The following MYO3A variants were observed in gnomAD, a reference collection of about 807,000 sequenced individuals.
MYO3A encodes myosin IIIA, also known as myosin-IIIa.
In MYO3A, 180 loss-of-function variants were observed where a neutral mutation model predicts 192.7. The ratio of observed to expected loss-of-function variants is 0.93; its 90% confidence interval spans 0.83 to 1.06. The LOEUF is 1.06. Among genes scored for constraint, MYO3A ranks in the 50% least tolerant of loss-of-function variants. The probability of loss-of-function intolerance (pLI) is 0.00; values close to 1 mark genes in which losing one functional copy is unlikely to be tolerated. For synonymous variants in MYO3A, 628 were observed against 645.3 expected (o/e 0.97, Z 0.41); for missense variants, 1,896 against 1,905.0 (o/e 1.00, Z 0.09).
At chr10:26,040,682 T>C (rs910440986) in intron 10 of MYO3A, among the ~76,000 whole-genome samples, 2 of 152,090 alleles carry the variant, frequency 1.3e-5, no homozygotes, top group Admixed American at 6.5e-5. Flanking sequence ...AAGCGTTCAT[T>C]TCTATGTGTT....
intron 17 of MYO3A, among the ~76,000 whole-genome samples, chr10:26,098,899 T>G (rs536783077): frequency 6.6e-6 from 1 of 152,306 alleles, no homozygotes; most frequent in African/African-American, 2.4e-5. Flanking sequence ...ATGTGGGCTC[T>G]TTTTTGGTTC....
At position 26,021,843 on chromosome 10, in the gene MYO3A, A is replaced by T. The variant is rs1842324890; in HGVS notation, c.731+195A>T. The T allele has an allele frequency of 1.3e-5, 9 of 688,554 alleles. No homozygotes were observed. In the South Asian group the frequency reaches 1.6e-4, roughly 12 times the overall value. The allele number at this position is 688,554 out of a possible 1,614,324, so 42.7% of individuals were successfully genotyped here. ...GTTGCATTTCCCTGGTCTAAGTAAA[A>T]GAGCTTTCTCTTGATAATCAGTGTG... On this transcript the variant is annotated intron_variant, in intron 8 of 34. Coordinates refer to ENST00000642920, the MANE Select transcript of MYO3A (RefSeq NM_017433.5).
intron 5 of MYO3A, among the ~76,000 whole-genome samples, chr10:25,996,957 C>T (rs1421984964): frequency 1.3e-5 from 2 of 152,128 alleles, no homozygotes; most frequent in Non-Finnish European, 2.9e-5. Flanking sequence ...AATTAAGGAG[C>T]ATGCTTTGAT....
At chr10:26,001,464 G>A (rs1170225234) in intron 6 of MYO3A, among the ~76,000 whole-genome samples, 2 of 152,192 alleles carry the variant, frequency 1.3e-5, no homozygotes, top group Non-Finnish European at 2.9e-5. Context: ...AGAACTCAGA[G>A]TGTTCTCAGC....
rs1490563938 is a variant in MYO3A, at chr10:26,170,446, G to T, written c.3305G>T (p.Arg1102Ile). Reference sequence around the variant, plus strand: ...AGAGGACACCTTGTCAGGAAACAAAGAAAAGAAATTGTTGACATGAAAAAC... The same window carrying T: ...AGAGGACACCTTGTCAGGAAACAAATAAAAGAAATTGTTGACATGAAAAAC... ...AARGHLVRKQ[R>I]KEIVDMKNTA... Residue 1102 changes from arginine (R) to isoleucine (I), a missense_variant, in exon 29 of 35, where the codon AGA (arginine) becomes ATA (isoleucine). Physicochemically the swap from Arg to Ile is moderately conservative, Grantham distance 97 (BLOSUM62 -3). Coordinates refer to ENST00000642920, the MANE Select transcript of MYO3A (RefSeq NM_017433.5). 1 of 1,613,522 alleles carries T rather than the reference G, an allele frequency of 6.2e-7. No individual in the cohort carries two copies. The highest frequency in any genetic ancestry group is 1.1e-5 in the South Asian group (1 of 91,042).
intron 4 of MYO3A, among the ~76,000 whole-genome samples, chr10:25,985,626 C>A (rs1839606188): frequency 6.6e-6 from 1 of 152,030 alleles, no homozygotes; most frequent in East Asian, 1.9e-4. Context: ...AATATGTAAC[C>A]CTCCTAGATA....
At chr10:26,154,888 C>T (rs1325830358) in intron 25 of MYO3A, 65 bp downstream of exon 25, 1 of 1,326,538 alleles carries the variant, frequency 7.5e-7, no homozygotes, top group African/African-American at 1.5e-5. Flanking sequence ...AGTTACAGAT[C>T]AAAAGCCAGT....
intron 14 of MYO3A, among the ~76,000 whole-genome samples, chr10:26,073,906 T>A (rs1315541726): frequency 6.6e-6 from 1 of 151,750 alleles, no homozygotes; most frequent in Non-Finnish European, 1.5e-5. Flanking sequence ...GCGATGGGGA[T>A]TACATGATGG....
chr10:26,046,153 C>T (rs1741801981), intron 10 of MYO3A, among the ~76,000 whole-genome samples: 1 of 152,120 alleles, frequency 6.6e-6, no homozygotes, highest in African/African-American at 2.4e-5. Flanking sequence ...TAGCGTTGGT[C>T]AGAAGCACAG....
intron 3 of MYO3A, 103 bp from the exon 4 acceptor site, chr10:25,954,771 A>T (rs1213529313): frequency 8.1e-7 from 1 of 1,231,932 alleles, no homozygotes; most frequent in Non-Finnish European, 1.2e-6. Flanking sequence ...AACTATTATG[A>T]CCTTGACATA....
intron 18 of MYO3A, among the ~76,000 whole-genome samples, chr10:26,123,615 C>T (rs890686711): frequency 1.3e-5 from 2 of 152,068 alleles, no homozygotes; most frequent in Non-Finnish European, 2.9e-5. Context: ...TTTTGAAGAG[C>T]AGTTAAATAG....
chr10:26,096,457 C>T lies in MYO3A; in HGVS notation c.1639C>T (p.Leu547=), dbSNP rs1837040132. 1 of 1,613,624 alleles carries T rather than the reference C, an allele frequency of 6.2e-7. No homozygotes were observed. The highest frequency in any genetic ancestry group is 1.3e-5 in the African/African-American group (1 of 74,910). ...AAAGAAGAAACTAGCCCATTACAAA[C>T]TGCCTGAAAATAAGCCTCCCAGGTA... The part of the protein sequence containing the change: ...AEKKKLAHYK[L]PENKPPRYLQ... Residue 547 remains leucine (L), a synonymous_variant, in exon 16 of 35, where the codon CTG becomes TTG. Coordinates refer to ENST00000642920, the MANE Select transcript of MYO3A (RefSeq NM_017433.5).
At chr10:26,109,400 G>C (rs1269093256) in intron 17 of MYO3A, among the ~76,000 whole-genome samples, 1 of 152,228 alleles carries the variant, frequency 6.6e-6, no homozygotes, top group East Asian at 1.9e-4. Flanking sequence ...ATAGCATGCT[G>C]TGCTGAGTAG....
At chr10:26,084,772 G>C (rs936416358) in intron 14 of MYO3A, among the ~76,000 whole-genome samples, 1 of 152,150 alleles carries the variant, frequency 6.6e-6, no homozygotes, top group African/African-American at 2.4e-5. Context: ...TCAAAATGCT[G>C]GAATTATAGA....
At chr10:26,020,982 T>A (rs1429177180) in intron 7 of MYO3A, among the ~76,000 whole-genome samples, 1 of 152,220 alleles carries the variant, frequency 6.6e-6, no homozygotes, top group Non-Finnish European at 1.5e-5. Flanking sequence ...TTAAACCTTT[T>A]GCATTCCTCC....
intron 6 of MYO3A, among the ~76,000 whole-genome samples, chr10:26,005,136 G>A (rs1246121428): frequency 1.2e-4 from 18 of 152,106 alleles, no homozygotes; most frequent in Non-Finnish European, 4.4e-5. Flanking sequence ...TTAATCAAGT[G>A]CTCAAAGCAA....
intron 14 of MYO3A, among the ~76,000 whole-genome samples, chr10:26,072,767 G>A (rs545047336): frequency 1.3e-5 from 2 of 152,080 alleles, no homozygotes; most frequent in African/African-American, 4.8e-5. Context: ...TATATTTCTG[G>A]TGAGAATGCA....
At chr10:26,140,000 G>A (rs1840059495) in intron 20 of MYO3A, among the ~76,000 whole-genome samples, 1 of 152,186 alleles carries the variant, frequency 6.6e-6, no homozygotes, top group Non-Finnish European at 1.5e-5. Context: ...GATGCACAAA[G>A]CAGTACCCCA....
chr10:26,066,403 C>A lies in MYO3A; in HGVS notation c.954-572C>A, dbSNP rs1051030005. Among the ~76,000 whole-genome samples, 3 of 152,132 alleles carry A rather than the reference C, an allele frequency of 2.0e-5. No homozygotes were observed. The East Asian group carries it at 5.8e-4, about 29-fold the overall frequency. On this transcript the variant is annotated intron_variant, in intron 10 of 34. Transcript: ENST00000642920. ...AAATAAACCATTGTGTTTATCTCAG[C>A]AACTTCTCCTTTGTGTTAAATCAAG...
Sources: gnomAD v4.1 joint callset for allele counts (sites outside exome capture counted in the v4.1 genomes callset) on GRCh38, gnomAD v4.1.1 for gene constraint, MANE v1.5 for transcripts, NCBI Gene and HGNC (gene_info 2026-07-23, HGNC 2026-07-21) for gene names.